The following RAB28 variants were observed in gnomAD, a reference collection of about 807,000 sequenced individuals.
RAB28 encodes the protein ras-related protein Rab-28.
Under a neutral mutation model 31.7 loss-of-function variants are expected in RAB28, and 24 were observed. The observed-to-expected ratio is 0.76, with a 90% CI of 0.55 to 1.06. RAB28 has a LOEUF of 1.06. Ranked by LOEUF, RAB28 falls within the 50% of genes least tolerant of loss-of-function variation. RAB28 has a pLI of 0.00. For synonymous variants in RAB28, 100 were observed against 90.4 expected (o/e 1.11, Z -0.60); for missense variants, 254 against 258.5 (o/e 0.98, Z 0.12).
At chr4:13,477,317 G>T (rs1182719106) in intron 2 of RAB28, among the ~76,000 whole-genome samples, 1 of 151,392 alleles carries the variant, frequency 6.6e-6, no homozygotes. Flanking sequence ...TAAATAGATG[G>T]ACAGGAGGTT....
chr4:13,436,214 A>G (rs1203952757), intron 4 of RAB28, among the ~76,000 whole-genome samples: 1 of 152,192 alleles, frequency 6.6e-6, no homozygotes, highest in Non-Finnish European at 1.5e-5. Flanking sequence ...CCTCAAAATA[A>G]TAAGAGCCAT....
intron 4 of RAB28, among the ~76,000 whole-genome samples, chr4:13,425,857 C>T (rs545027194): frequency 6.6e-6 from 1 of 152,304 alleles, no homozygotes; most frequent in South Asian, 2.1e-4. Context: ...ACAGCAATCA[C>T]AGTTTGGAAC....
chr4:13,460,532 G>A (rs970968836), intron 4 of RAB28, among the ~76,000 whole-genome samples, 167 bp downstream of exon 4: 1 of 151,988 alleles, frequency 6.6e-6, no homozygotes, highest in African/African-American at 2.4e-5. Flanking sequence ...CATTCTTAAG[G>A]GCTCCACTCT....
chr4:13,406,491 A>G (rs548634153), intron 4 of RAB28, among the ~76,000 whole-genome samples: 119 of 152,254 alleles, frequency 7.8e-4, no homozygotes, highest in Non-Finnish European at 1.1e-3. Context: ...TAGTAGAATG[A>G]TTTATAGTCC....
intron 4 of RAB28, among the ~76,000 whole-genome samples, chr4:13,460,443 T>C (rs1247204715): frequency 2.6e-5 from 4 of 152,166 alleles, no homozygotes; most frequent in African/African-American, 4.8e-5. Context: ...CCGAAACTCC[T>C]GGCCTCAAGC....
chr4:13,382,034 A>T (rs1429637164), intron 4 of RAB28, among the ~76,000 whole-genome samples: 2 of 152,240 alleles, frequency 1.3e-5, no homozygotes, highest in Non-Finnish European at 2.9e-5. Flanking sequence ...TTAGCTCTGT[A>T]ATCTCTATAA....
intron 3 of RAB28, among the ~76,000 whole-genome samples, chr4:13,461,134 A>G (rs1455639397): frequency 1.3e-5 from 2 of 152,220 alleles, no homozygotes; most frequent in Non-Finnish European, 2.9e-5. Flanking sequence ...TAAGAAAATC[A>G]TATCAAAGAA....
chr4:13,432,182 A>G (rs1484835539), intron 4 of RAB28, among the ~76,000 whole-genome samples: 1 of 152,124 alleles, frequency 6.6e-6, no homozygotes, highest in East Asian at 1.9e-4. Flanking sequence ...ACCAAGCAGA[A>G]AAAGGAATTT....
chr4:13,381,934 ATAT>A (rs1475241246), intron 4 of RAB28, among the ~76,000 whole-genome samples: 2 of 152,214 alleles, frequency 1.3e-5, no homozygotes, highest in Non-Finnish European at 2.9e-5. Context: ...GATCTACTTA[ATAT>A]AGTACATTTA....
At chr4:13,427,764 A>C (rs1361118501) in intron 4 of RAB28, among the ~76,000 whole-genome samples, 1 of 152,196 alleles carries the variant, frequency 6.6e-6, no homozygotes, top group East Asian at 1.9e-4. Flanking sequence ...AAACTCATTG[A>C]ATGCTCAGGG....
At chr4:13,463,678 C>T (rs1262065521) in intron 3 of RAB28, among the ~76,000 whole-genome samples, 1 of 152,108 alleles carries the variant, frequency 6.6e-6, no homozygotes. Context: ...GAAGGATAAA[C>T]TCCTGTTCAC....
At chr4:13,393,389 G>C (rs1299210577) in intron 4 of RAB28, among the ~76,000 whole-genome samples, 1 of 152,144 alleles carries the variant, frequency 6.6e-6, no homozygotes, top group African/African-American at 2.4e-5. Flanking sequence ...TAGGCCTAAG[G>C]GTTTTGTGTG....
intron 4 of RAB28, among the ~76,000 whole-genome samples, chr4:13,387,921 T>C (rs925453047): frequency 3.3e-5 from 5 of 152,016 alleles, no homozygotes; most frequent in African/African-American, 1.2e-4. Context: ...CCTCCCTGAC[T>C]TTCCCCAGGT....
Position 13,479,430 on chromosome 4 carries a change from C to G in RAB28, c.172G>C (p.Gly58Arg). 4 of 1,581,394 alleles carry G rather than the reference C, an allele frequency of 2.5e-6. No individual in the cohort carries two copies. Among genetic ancestry groups the G allele is most frequent in the Non-Finnish European group, 3.5e-6 (4 of 1,155,110 alleles). The part of the protein sequence containing the change: ...DFFLRRITLP[G>R]NLNVTLQIWD... The stretch of plus-strand genomic sequence containing the variant: ...ACGTTAAGACTTTTTAGTCTCTTAC[C>G]TGGCAATGTTATCCTTCTCAAAAAG... Residue 58 changes from glycine (G) to arginine (R), a missense_variant and splice_region_variant, in exon 2 of 7, where the codon GGA becomes CGA. Gly to Arg is a moderately radical substitution (Grantham distance 125). Coordinates refer to ENST00000330852, the MANE Select transcript of RAB28 (RefSeq NM_001017979.3).
intron 3 of RAB28, among the ~76,000 whole-genome samples, chr4:13,468,587 A>T (rs1219498403): frequency 1.3e-5 from 2 of 151,942 alleles, no homozygotes; most frequent in African/African-American, 4.8e-5. Flanking sequence ...GCTTAGGGAA[A>T]GTGTTTAGCA....
At chr4:13,407,805 G>C (rs1433695170) in intron 4 of RAB28, among the ~76,000 whole-genome samples, 4 of 152,018 alleles carry the variant, frequency 2.6e-5, no homozygotes, top group Non-Finnish European at 4.4e-5. Context: ...CTCATGATTT[G>C]GCTCTCTGTT....
intron 4 of RAB28, among the ~76,000 whole-genome samples, chr4:13,450,440 C>T (rs1236971262): frequency 1.3e-5 from 2 of 151,804 alleles, no homozygotes; most frequent in Non-Finnish European, 3.0e-5. Context: ...CTAATGGATT[C>T]CCTATATCTA....
chr4:13,430,913 G>A (rs2108930839), intron 4 of RAB28, among the ~76,000 whole-genome samples: 1 of 152,258 alleles, frequency 6.6e-6, no homozygotes, highest in South Asian at 2.1e-4. Context: ...ACCACTGAAT[G>A]GGCCAGCAGT....
chr4:13,427,493 G>C (rs1713570669), intron 4 of RAB28, among the ~76,000 whole-genome samples: 1 of 152,198 alleles, frequency 6.6e-6, no homozygotes, highest in African/African-American at 2.4e-5. Flanking sequence ...AGGAGAGTAT[G>C]TATGAGCTTG....
Sources: gnomAD v4.1 joint callset for allele counts (sites outside exome capture counted in the v4.1 genomes callset) on GRCh38, gnomAD v4.1.1 for gene constraint, MANE v1.5 for transcripts, NCBI Gene and HGNC (gene_info 2026-07-23, HGNC 2026-07-21) for gene names.